TRPM6: variants seen among roughly 807,000 people sequenced by gnomAD.
TRPM6 encodes transient receptor potential cation channel subfamily M member 6, also known as channel kinase 2.
A neutral mutation model predicts 247.6 loss-of-function variants in TRPM6; 111 were observed. That is an observed-to-expected ratio of 0.45 (90% CI 0.38 to 0.52). The LOEUF is 0.52. TRPM6 is among the 20% of genes least tolerant of loss of function. The pLI is 0.00. For synonymous variants in TRPM6, 892 were observed against 853.8 expected (o/e 1.04, Z -0.78); for missense variants, 2,126 against 2,421.5 (o/e 0.88, Z 2.56).
At position 74,724,619 on chromosome 9, in the gene TRPM6, T is replaced by G. The variant is rs1825254404; in HGVS notation, c.6063A>C (p.Gln2021His). ...TCTTCTTGCTCCTCCCTTTTTATAGTTGCATATCATCTTCTGGGGAATTTC... is the reference window on the plus strand; with the variant it reads ...TCTTCTTGCTCCTCCCTTTTTATAGGTGCATATCATCTTCTGGGGAATTTC... ...TGRNSPEDDM[Q>H]L The change falls in exon 39 of 39, where the codon CAA becomes CAC. Residue 2021 changes from glutamine to histidine, a missense_variant. This residue lies in a region of TRPM6 where 327 missense variants were observed against 397.7 expected (regional missense o/e 0.82). Coordinates refer to ENST00000360774, the MANE Select transcript of TRPM6 (RefSeq NM_017662.5). 6.2e-7 allele frequency: 1 copy of G among 1,614,192 alleles called. No homozygotes were observed. The highest frequency in any genetic ancestry group is 8.5e-7 in the Non-Finnish European group (1 of 1,180,032).
intron 1 of TRPM6, among the ~76,000 whole-genome samples, chr9:74,867,810 G>GAAA (rs1830897774): frequency 6.6e-6 from 1 of 151,836 alleles, no homozygotes; most frequent in African/African-American, 2.4e-5. Flanking sequence ...CAAATGAAAA[G>GAAA]AAAAATTGAT....
chr9:74,786,934 C>CA (rs1417377172), intron 20 of TRPM6, among the ~76,000 whole-genome samples: 2 of 152,172 alleles, frequency 1.3e-5, no homozygotes, highest in Non-Finnish European at 2.9e-5. Flanking sequence ...TGCAGTGGCT[C>CA]ACGCCTGTAA....
intron 2 of TRPM6, among the ~76,000 whole-genome samples, chr9:74,857,035 T>C (rs1264769558): frequency 6.6e-6 from 1 of 152,192 alleles, no homozygotes; most frequent in Non-Finnish European, 1.5e-5. Flanking sequence ...CACTTTTTTT[T>C]TGAGATTCAA....
chr9:74,827,709 A>G, intron 7 of TRPM6, 69 bp downstream of exon 7: 4 of 1,509,320 alleles, frequency 2.7e-6, no homozygotes, highest in Non-Finnish European at 1.8e-6. Context: ...TCTGATGGTC[A>G]GGGAAGACCA....
chr9:74,832,507 T>G (rs1829580805), intron 6 of TRPM6, among the ~76,000 whole-genome samples: 1 of 152,210 alleles, frequency 6.6e-6, no homozygotes. Flanking sequence ...ATATAATAAC[T>G]TCATTGTGAT....
At chr9:74,759,790 T>C (rs570429307) in intron 27 of TRPM6, among the ~76,000 whole-genome samples, 1 of 151,868 alleles carries the variant, frequency 6.6e-6, no homozygotes, top group Non-Finnish European at 1.5e-5. Context: ...TCAAAAAAAT[T>C]ATGGTTTCAA....
intron 32 of TRPM6, 44 bp downstream of exon 32, chr9:74,744,047 CACAG>C: frequency 6.3e-7 from 1 of 1,580,510 alleles, no homozygotes; most frequent in South Asian, 1.1e-5. Flanking sequence ...AATGCAGAAG[CACAG>C]ACATTTAGCT....
At chr9:74,851,676 G>A (rs1830316906) in intron 3 of TRPM6, among the ~76,000 whole-genome samples, 1 of 151,264 alleles carries the variant, frequency 6.6e-6, no homozygotes, top group Non-Finnish European at 1.5e-5. Context: ...TTGAACCTGG[G>A]AGGTGGAGGT....
intron 11 of TRPM6, among the ~76,000 whole-genome samples, chr9:74,813,650 C>T (rs1007370547): frequency 2.2e-4 from 34 of 152,088 alleles, no homozygotes; most frequent in Admixed American, 1.0e-3. Flanking sequence ...ACTACAGGCT[C>T]GGAATTTCCA....
At chr9:74,785,771 C>T (rs1432443285) in intron 21 of TRPM6, 103 bp downstream of exon 21, 2 of 1,313,832 alleles carry the variant, frequency 1.5e-6, no homozygotes, top group Non-Finnish European at 1.1e-6. Flanking sequence ...GATCCGCCCG[C>T]CTTGGCCTCC....
At chr9:74,811,867 T>C (rs987951502) in intron 12 of TRPM6, among the ~76,000 whole-genome samples, 6 of 152,178 alleles carry the variant, frequency 3.9e-5, no homozygotes, top group Admixed American at 3.9e-4. Flanking sequence ...AAGGAACGTT[T>C]TATTAGAAGG....
intron 19 of TRPM6, among the ~76,000 whole-genome samples, chr9:74,789,763 C>A (rs1827830500): frequency 6.6e-6 from 1 of 151,976 alleles, no homozygotes; most frequent in Non-Finnish European, 1.5e-5. Flanking sequence ...AGTTCGAGAC[C>A]AGCCTGGCCA....
At chr9:74,839,918 G>GAAAGA (rs1829869794) in intron 5 of TRPM6, 106 bp downstream of exon 5, 5 of 753,892 alleles carry the variant, frequency 6.6e-6, no homozygotes, top group Middle Eastern at 3.4e-4. Flanking sequence ...GGGAGGGAGG[G>GAAAGA]AAAGAAAAGA....
intron 1 of TRPM6, among the ~76,000 whole-genome samples, chr9:74,882,571 C>T (rs1831396156): frequency 6.6e-6 from 1 of 152,154 alleles, no homozygotes; most frequent in East Asian, 1.9e-4. Context: ...TATCATCTCG[C>T]TCCAGTTAAA....
rs1489036156 is a variant in TRPM6, at chr9:74,731,483, T to C, written c.5828+1202A>G. Among the ~76,000 whole-genome samples the C allele has an allele frequency of 2.0e-5, 3 of 151,990 alleles. No homozygotes were observed. The South Asian group carries it at 6.2e-4, about 31-fold the overall frequency. On this transcript the variant is annotated intron_variant, in intron 37 of 38. Coordinates refer to ENST00000360774, the MANE Select transcript of TRPM6 (RefSeq NM_017662.5). Reference sequence around the variant, plus strand: ...TATCATAGGAATTAGATGTGTATGTTCAATATGGATCACCTTTATTTTCTC... The same window carrying C: ...TATCATAGGAATTAGATGTGTATGTCCAATATGGATCACCTTTATTTTCTC...
chr9:74,846,027 A>C (rs781372962), intron 3 of TRPM6, among the ~76,000 whole-genome samples: 1 of 151,950 alleles, frequency 6.6e-6, no homozygotes, highest in Non-Finnish European at 1.5e-5. Context: ...TAGGAAATCA[A>C]TTTGACATCA....
intron 36 of TRPM6, among the ~76,000 whole-genome samples, chr9:74,733,053 G>A (rs1825576283): frequency 6.6e-6 from 1 of 151,972 alleles, no homozygotes; most frequent in Non-Finnish European, 1.5e-5. Context: ...AATTAGCCGG[G>A]TTTGGTGGTG....
chr9:74,831,596 A>G (rs1372760364), intron 6 of TRPM6, among the ~76,000 whole-genome samples: 1 of 152,224 alleles, frequency 6.6e-6, no homozygotes, highest in East Asian at 1.9e-4. Flanking sequence ...TTTCATACTA[A>G]AAAGCAAGGA....
At chr9:74,795,667 C>G (rs990282863) in intron 18 of TRPM6, among the ~76,000 whole-genome samples, 8 of 152,182 alleles carry the variant, frequency 5.3e-5, no homozygotes, top group African/African-American at 1.4e-4. Context: ...TGGGAAGAGT[C>G]TTCTTCTGCT....
Sources: allele counts gnomAD v4.1 joint callset (sites outside exome capture counted in the v4.1 genomes callset), GRCh38; gene constraint gnomAD v4.1.1; regional missense constraint gnomAD v4.1.1; transcripts MANE v1.5; gene names NCBI Gene and HGNC (gene_info 2026-07-23, HGNC 2026-07-21).